The following GOLGA7B variants were observed in gnomAD, a reference collection of about 807,000 sequenced individuals.
The protein encoded by GOLGA7B is golgin subfamily A member 7B.
A neutral mutation model predicts 21.5 loss-of-function variants in GOLGA7B; 17 were observed. The ratio of observed to expected loss-of-function variants is 0.79; its 90% CI spans 0.54 to 1.19. The LOEUF is 1.19. Among genes scored for constraint, GOLGA7B ranks in the 50% most tolerant of loss-of-function variants. The pLI is 0.00. For synonymous variants in GOLGA7B, 87 were observed against 84.0 expected, an observed-to-expected ratio of 1.04 and a Z score of -0.19; for missense variants, 169 against 224.4, an observed-to-expected ratio of 0.75 and a Z score of 1.58.
chr10:97,858,621 C>T (rs1025541595), intron 1 of GOLGA7B, among the ~76,000 whole-genome samples: 1 of 152,218 alleles, frequency 6.6e-6, no homozygotes, highest in African/African-American at 2.4e-5. Context: ...GATATCTCCC[C>T]TCTCCTTCCT....
Position 97,864,221 on chromosome 10 carries a change from A to C in GOLGA7B, c.345A>C (p.Ala115=), listed in dbSNP as rs768313570. ...AGGAGCAGAATGAGAAGATCTTTGC[A>C]CCTCGAGGCCTCCTACTTACAGACC... The part of the protein sequence containing the change: ...YIQEQNEKIF[A]PRGLLLTDPV... Residue 115 remains alanine (A), a synonymous_variant, in exon 4 of 5, where the codon GCA becomes GCC. Transcript: ENST00000370602. 35 of 1,613,996 alleles carry C rather than the reference A, an allele frequency of 2.2e-5. No homozygotes were observed. The highest frequency in any genetic ancestry group is 2.9e-5 in the Non-Finnish European group (34 of 1,180,026).
At position 97,859,581 on chromosome 10, in the gene GOLGA7B, C is replaced by T. The variant is rs747181097; in HGVS notation, c.136C>T (p.Arg46Trp). 6.2e-6 allele frequency: 10 copies of T among 1,613,456 alleles called. No homozygotes were observed. The highest frequency in any genetic ancestry group is 2.2e-5 in the East Asian group (1 of 44,886). Residue 46 changes from arginine (R) to tryptophan (W), a missense_variant and splice_region_variant, in exon 2 of 5, where the codon CGG becomes TGG. Transcript: ENST00000370602. ...QTKFPPELDSRIERQLFEETV... is the reference protein window; with the variant it reads ...QTKFPPELDSWIERQLFEETV... ...CAAATTCCCCCCAGAGCTGGACAGC[C>T]GGGTAAGGATGCCTTTTTCTGCACT...
In GOLGA7B at chr10:97,864,254, G is replaced by A. The variant is rs372642782; in HGVS notation, c.378G>A (p.Glu126=). ...PRGLLLTDPV[E]RGMRVIEISI... Reference sequence around the variant, plus strand: ...GCCTCCTACTTACAGACCCTGTGGAGCGTGGGATGAGGGTTGTATCCTTCT... The same window carrying A: ...GCCTCCTACTTACAGACCCTGTGGAACGTGGGATGAGGGTTGTATCCTTCT... The change falls in exon 4 of 5, where the codon GAG becomes GAA. Residue 126 remains glutamate (E), a synonymous_variant. Transcript: ENST00000370602. The A allele has an allele frequency of 1.5e-5, 24 of 1,613,938 alleles. No individual in the cohort carries two copies. The highest frequency in any genetic ancestry group is 2.0e-5 in the Non-Finnish European group (24 of 1,179,790).
chr10:97,850,348 C>T (rs2049897305), intron 1 of GOLGA7B, 33 bp downstream of exon 1: 10 of 1,508,782 alleles, frequency 6.6e-6, no homozygotes, highest in Non-Finnish European at 8.9e-6. Context: ...CAGGCAGTGC[C>T]CGATTGCCGC....
chr10:97,853,990 G>A (rs2049919829), intron 1 of GOLGA7B, among the ~76,000 whole-genome samples: 1 of 152,208 alleles, frequency 6.6e-6, no homozygotes, highest in Admixed American at 6.5e-5. Flanking sequence ...TTTTAAAAAT[G>A]TATTGGAAAT....
At chr10:97,858,998 G>A (rs1402375214) in intron 1 of GOLGA7B, among the ~76,000 whole-genome samples, 1 of 152,254 alleles carries the variant, frequency 6.6e-6, no homozygotes, top group Non-Finnish European at 1.5e-5. Context: ...TTCTGTGTGT[G>A]TGTGTGTGTG....
rs990876192 is a variant in GOLGA7B, at chr10:97,870,676, G to A, written c.*4976G>A. 6 of 152,140 alleles carry A rather than the reference G, an allele frequency of 3.9e-5. No homozygotes were observed. The highest frequency in any genetic ancestry group is 1.4e-4 in the African/African-American group (6 of 41,420). 9.4% of individuals were successfully genotyped at this position (152,140 alleles called of 1,614,324 possible). A position where few individuals can be genotyped will look rare whatever the true frequency, so the allele number is the denominator to read the frequency against. Reference sequence around the variant, plus strand: ...AGGACACACTTGAAATTAACGTTTTGTTAAATATCTGGAAATGTAACACAT... The same window carrying A: ...AGGACACACTTGAAATTAACGTTTTATTAAATATCTGGAAATGTAACACAT... On this transcript the variant is annotated 3_prime_UTR_variant, in exon 5 of 5. Transcript: ENST00000370602.
chr10:97,851,516 G>A (rs1236264002), intron 1 of GOLGA7B, among the ~76,000 whole-genome samples: 1 of 152,196 alleles, frequency 6.6e-6, no homozygotes, highest in South Asian at 2.1e-4. Flanking sequence ...GCAAGCCCTG[G>A]GCAGACCCTG....
At chr10:97,859,740 G>T (rs1361025649) in intron 2 of GOLGA7B, among the ~76,000 whole-genome samples, 157 bp downstream of exon 2, 1 of 152,190 alleles carries the variant, frequency 6.6e-6, no homozygotes, top group African/African-American at 2.4e-5. Context: ...AAATCAAAAG[G>T]ATGATTCTTA....
At chr10:97,851,585 A>G (rs2049906040) in intron 1 of GOLGA7B, among the ~76,000 whole-genome samples, 1 of 152,216 alleles carries the variant, frequency 6.6e-6, no homozygotes, top group African/African-American at 2.4e-5. Context: ...AAAGACATGG[A>G]GGACAGCAGG....
Position 97,867,245 on chromosome 10 carries a change from AAGG to A in GOLGA7B, c.*1548_*1550del. 1 of 152,462 alleles carries A rather than the reference AAGG, an allele frequency of 6.6e-6. No individual in the cohort carries two copies. The highest frequency in any genetic ancestry group is 2.1e-4 in the South Asian group (1 of 4,828). 9.4% of individuals were successfully genotyped at this position (152,462 alleles called of 1,614,324 possible). A position where few individuals can be genotyped will look rare whatever the true frequency, so the allele number is the denominator to read the frequency against. ...AAGGCAAACTCCCTCCTTGCAAGGA[AAGG>A]AGATGTCCAGCCAATGATGCCCGGC... On this transcript the variant is annotated 3_prime_UTR_variant, in exon 5 of 5. Transcript: ENST00000370602.
rs955443891 is a variant in GOLGA7B, at chr10:97,857,891, G to A, written c.13-1567G>A. 5.9e-5 allele frequency among the ~76,000 whole-genome samples: 9 copies of A among 152,078 alleles called. No individual in the cohort carries two copies. The South Asian group carries it at 6.2e-4, about 11-fold the overall frequency. ...CTGATCTTTAACACAGTCTTTCCCC[G>A]GTGTTTAAGCAAGTTTAAGTATCTG... is the stretch of plus-strand genomic sequence containing the variant. On this transcript the variant is annotated intron_variant, in intron 1 of 4. Transcript: ENST00000370602.
chr10:97,864,408 GC>G (rs1345159504), intron 4 of GOLGA7B, 139 bp downstream of exon 4: 17 of 649,384 alleles, frequency 2.6e-5, no homozygotes, highest in Non-Finnish European at 4.0e-5. Context: ...GTGGTCCTCA[GC>G]CCTCCTCCAC....
At chr10:97,854,369 A>G (rs1170941118) in intron 1 of GOLGA7B, among the ~76,000 whole-genome samples, 1 of 152,208 alleles carries the variant, frequency 6.6e-6, no homozygotes, top group Non-Finnish European at 1.5e-5. Context: ...TCAGTGGGCC[A>G]TCTTTCCACT....
Position 97,869,378 on chromosome 10 carries a change from T to A in GOLGA7B, c.*3678T>A, listed in dbSNP as rs535045263. ...GTGGCCTGTCTCTCCGGGGTCTGGC[T>A]GTAGCCATGTCCCTGCACCCACCTT... On this transcript the variant is annotated 3_prime_UTR_variant, in exon 5 of 5. Transcript: ENST00000370602. 4.9e-4 allele frequency: 75 copies of A among 152,574 alleles called. No individual in the cohort carries two copies. The highest frequency in any genetic ancestry group is 1.8e-3 in the African/African-American group (75 of 41,572). 9.5% of individuals were successfully genotyped at this position (152,574 alleles called of 1,614,324 possible).
At chr10:97,864,360 G>T in intron 4 of GOLGA7B, 91 bp downstream of exon 4, 1 of 1,002,272 alleles carries the variant, frequency 1.0e-6, no homozygotes. Context: ...GCCACCTTAG[G>T]GGCCTCCACT....
chr10:97,865,345 G>A, intron 4 of GOLGA7B: 2 of 556,006 alleles, frequency 3.6e-6, no homozygotes, highest in Non-Finnish European at 5.9e-6. Context: ...CAGCGACCCT[G>A]TCTGCTGTGA....
In GOLGA7B at chr10:97,866,520, T is replaced by C. The variant is rs2050026865; in HGVS notation, c.*820T>C. 6.6e-6 allele frequency: 1 copy of C among 152,204 alleles called. No individual in the cohort carries two copies. Among genetic ancestry groups the C allele is most frequent in the Non-Finnish European group, 1.5e-5 (1 of 68,032 alleles). 9.4% of individuals were successfully genotyped at this position (152,204 alleles called of 1,614,324 possible). A position where few individuals can be genotyped will look rare whatever the true frequency, so the allele number is the denominator to read the frequency against. ...AGATTAGAACCTGTGTGTATGCACA[T>C]GTGAATGTATGTGTGAGTGCACATG... On this transcript the variant is annotated 3_prime_UTR_variant, in exon 5 of 5. Coordinates refer to ENST00000370602, the MANE Select transcript of GOLGA7B (RefSeq NM_001010917.3).
At position 97,865,790 on chromosome 10, in the gene GOLGA7B, A is replaced by T. The variant is rs1564868165; in HGVS notation, c.*90A>T. On this transcript the variant is annotated 3_prime_UTR_variant, in exon 5 of 5. Coordinates refer to ENST00000370602, the MANE Select transcript of GOLGA7B (RefSeq NM_001010917.3). ...TGCGCTACCAGAGCACCCGCTTCTG[A>T]GTCATTCTTTGGGCTCACCCTGCTG... 1 of 1,013,124 alleles carries T rather than the reference A, an allele frequency of 9.9e-7. No homozygotes were observed. The allele number at this position is 1,013,124 out of a possible 1,614,324, so 62.8% of individuals were successfully genotyped here.
Sources: allele counts gnomAD v4.1 joint callset (sites outside exome capture counted in the v4.1 genomes callset), GRCh38; gene constraint gnomAD v4.1.1; transcripts MANE v1.5; gene names NCBI Gene and HGNC (gene_info 2026-07-23, HGNC 2026-07-21).